Variants in ST6GALNAC2 observed in about 807,000 individuals in gnomAD.
ST6GALNAC2 encodes ST6 N-acetylgalactosaminide alpha-2,6-sialyltransferase 2.
Under a neutral mutation model 38.7 loss-of-function variants are expected in ST6GALNAC2, and 42 were observed. The observed-to-expected ratio is 1.09, with a 90% CI of 0.85 to 1.40. The LOEUF (loss-of-function observed/expected upper bound fraction) is 1.40. ST6GALNAC2 is among the 40% of genes most tolerant of loss of function. The probability of loss-of-function intolerance (pLI) is 0.00; values close to 1 mark genes in which losing one functional copy is unlikely to be tolerated. For missense variants in ST6GALNAC2, 506 were observed against 481.7 expected (o/e 1.05, Z -0.47); for synonymous variants, 233 against 209.0 (o/e 1.11, Z -0.99).
intron 2 of ST6GALNAC2, among the ~76,000 whole-genome samples, chr17:76,576,885 G>C (rs908486691): frequency 4.0e-5 from 6 of 150,846 alleles, no homozygotes; most frequent in African/African-American, 1.5e-4. Context: ...CACAAGAATT[G>C]CTTGAACGTG....
intron 1 of ST6GALNAC2, among the ~76,000 whole-genome samples, chr17:76,581,971 G>A (rs905959204): frequency 3.3e-5 from 5 of 151,852 alleles, no homozygotes; most frequent in Non-Finnish European, 5.9e-5. Context: ...GGGTTCAAGC[G>A]ATTCTCCTGC....
chr17:76,566,390 G>A, intron 8 of ST6GALNAC2, 119 bp from the exon 9 acceptor site: 5 of 1,089,436 alleles, frequency 4.6e-6, no homozygotes, highest in Middle Eastern at 2.1e-4. Context: ...TAATGGTCTA[G>A]GGCTTATTCC....
intron 5 of ST6GALNAC2, chr17:76,571,012 C>G (rs1031838621): frequency 1.9e-5 from 4 of 206,698 alleles, no homozygotes; most frequent in African/African-American, 9.2e-5. Context: ...ATCACTCACT[C>G]TGGATGAAGT....
chr17:76,581,291 C>T (rs903758703), intron 1 of ST6GALNAC2, among the ~76,000 whole-genome samples: 3 of 152,104 alleles, frequency 2.0e-5, no homozygotes, highest in African/African-American at 7.2e-5. Context: ...ATGACCCCCT[C>T]TGGGAAGGAA....
At position 76,585,851 on chromosome 17, in the gene ST6GALNAC2, C is replaced by G. The variant is rs1424705168; in HGVS notation, c.-43G>C. The G allele has an allele frequency of 1.1e-5, 16 of 1,510,752 alleles. No individual in the cohort carries two copies. Among genetic ancestry groups the G allele is most frequent in the Non-Finnish European group, 1.2e-5 (14 of 1,132,642 alleles). The allele number at this position is 1,510,752 out of a possible 1,614,324, so 93.6% of individuals were successfully genotyped here. On this transcript the variant is annotated 5_prime_UTR_variant, in exon 1 of 9. Transcript: ENST00000225276. Reference sequence around the variant, plus strand: ...GCGCCCCGTCCGCTGACGTCCCAGGCAGAAGGGAGAGAACCGGGTGGGCCG... The same window carrying G: ...GCGCCCCGTCCGCTGACGTCCCAGGGAGAAGGGAGAGAACCGGGTGGGCCG...
Position 76,566,116 on chromosome 17 carries a change from C to T in ST6GALNAC2, c.1113G>A (p.Leu371=), listed in dbSNP as rs1175355051. 2 of 1,613,938 alleles carry T rather than the reference C, an allele frequency of 1.2e-6. No homozygotes were observed. The highest frequency in any genetic ancestry group is 2.2e-5 in the South Asian group (2 of 91,058). ...RDLHKAGILQ[L]YQR ...CAGTGCATTGGGGTCAGCGCTGGTA[C>T]AGCTGAAGGATGCCGGCCTTGTGCA... The change falls in exon 9 of 9, where the codon CTG becomes CTA. Residue 371 remains leucine, a synonymous_variant. Coordinates refer to ENST00000225276, the MANE Select transcript of ST6GALNAC2 (RefSeq NM_006456.3).
chr17:76,582,716 T>A (rs1343313260), intron 1 of ST6GALNAC2, among the ~76,000 whole-genome samples: 1 of 152,208 alleles, frequency 6.6e-6, no homozygotes, highest in East Asian at 1.9e-4. Context: ...CTGTCCCAGA[T>A]GCCCATCTTC....
intron 2 of ST6GALNAC2, among the ~76,000 whole-genome samples, chr17:76,578,416 C>A (rs745731181): frequency 5.3e-5 from 8 of 152,182 alleles, no homozygotes; most frequent in Middle Eastern, 3.4e-3. Flanking sequence ...CCAGGGTGAG[C>A]AGTTTAAATG....
Position 76,582,857 on chromosome 17 carries a change from A to G in ST6GALNAC2, c.125+2827T>C, listed in dbSNP as rs73369173. 8.2e-3 allele frequency among the ~76,000 whole-genome samples: 1,256 copies of G among 152,292 alleles called. 21 individuals are homozygous for G. Among genetic ancestry groups the G allele is most frequent in the African/African-American group, 0.029 (1,204 of 41,562 alleles). ...CCCAGACTAAATATCCACCTCCCAC[A>G]GCAAGGCTGAGTCCTGACCTGCCCC... On this transcript the variant is annotated intron_variant, in intron 1 of 8. Transcript: ENST00000225276.
chr17:76,567,594 C>CT (rs1395650539), intron 7 of ST6GALNAC2, 42 bp from the exon 8 acceptor site: 1 of 1,312,148 alleles, frequency 7.6e-7, no homozygotes, highest in Non-Finnish European at 1.1e-6. Flanking sequence ...AGCTTGATGG[C>CT]TATCATCACA....
chr17:76,573,632 C>T lies in ST6GALNAC2; in HGVS notation c.362-269G>A, dbSNP rs1242865668. ...TGGTGCTAGAGAAGTGAGCTCAGGG[C>T]TTAAAAAAGACTGGGCTGGGCACGG... On this transcript the variant is annotated intron_variant, in intron 3 of 8. Coordinates refer to ENST00000225276, the MANE Select transcript of ST6GALNAC2 (RefSeq NM_006456.3). This position sits in a 1 kb window ranked among gnomAD's most constrained non-coding sequence, Gnocchi z 5.1. Among the ~76,000 whole-genome samples, 2 of 152,040 alleles carry T rather than the reference C, an allele frequency of 1.3e-5. No individual in the cohort carries two copies. The highest frequency in any genetic ancestry group is 4.8e-5 in the African/African-American group (2 of 41,378).
chr17:76,568,629 G>T, intron 7 of ST6GALNAC2, 84 bp downstream of exon 7: 2 of 1,357,142 alleles, frequency 1.5e-6, no homozygotes, highest in Middle Eastern at 1.9e-4. Context: ...CGTGGGGCTC[G>T]TGCGAGGGCG....
chr17:76,570,420 G>C, intron 6 of ST6GALNAC2, 145 bp downstream of exon 6: 1 of 615,664 alleles, frequency 1.6e-6, no homozygotes, highest in Non-Finnish European at 2.9e-6. Flanking sequence ...GAATAATTGG[G>C]GATGATTGAA....
rs200352266 is a variant in ST6GALNAC2 at position 76,566,104 on chromosome 17, T to G, written c.1125A>C (p.Ter375CysextTer25). 4 of 1,613,388 alleles carry G rather than the reference T, an allele frequency of 2.5e-6. No homozygotes were observed. In the East Asian group the frequency reaches 6.7e-5, roughly 27 times the overall value. ...KAGILQLYQR[*>C] Reference sequence around the variant, plus strand: ...AAGCAAAGGGCTCAGTGCATTGGGGTCAGCGCTGGTACAGCTGAAGGATGC... The same window carrying G: ...AAGCAAAGGGCTCAGTGCATTGGGGGCAGCGCTGGTACAGCTGAAGGATGC... The change falls in exon 9 of 9, where the codon TGA (stop) becomes TGC (cysteine). Residue 375 changes from the stop codon to cysteine, a stop_lost. Transcript: ENST00000225276.
rs746086406 is a variant in ST6GALNAC2 at position 76,578,746 on chromosome 17, A to C, written c.186+10T>G. The C allele has an allele frequency of 1.9e-6, 3 of 1,612,054 alleles. No homozygotes were observed. The South Asian group carries it at 3.3e-5, about 18-fold the overall frequency. ...GCTCAAAACTGCCACAGGGTAGTCG[A>C]CCACTCTACCTTTCCTGTCCAAGAA... On this transcript the variant is annotated intron_variant, in intron 2 of 8. Coordinates refer to ENST00000225276, the MANE Select transcript of ST6GALNAC2 (RefSeq NM_006456.3).
In ST6GALNAC2 at chr17:76,568,760, A is replaced by G. The variant is rs746952199; in HGVS notation, c.810T>C (p.Ser270=). 9.3e-6 allele frequency: 15 copies of G among 1,613,562 alleles called. No individual in the cohort carries two copies. The Admixed American group carries it at 2.5e-4, about 27-fold the overall frequency. Reference sequence around the variant, plus strand: ...AGTCCGGATGTAGCAGCTTGAATTTACTGGCAGAGGCTTCTGGTCCAAAAT... The same window carrying G: ...AGTCCGGATGTAGCAGCTTGAATTTGCTGGCAGAGGCTTCTGGTCCAAAAT... The part of the protein sequence containing the change: ...HAYFGPEASA[S]KFKLLHPDFI... Residue 270 remains serine (S), a synonymous_variant, in exon 7 of 9, where the codon AGT becomes AGC. Transcript: ENST00000225276.
rs778824394 is a variant in ST6GALNAC2 at position 76,569,423 on chromosome 17, G to A, written c.774-627C>T. 9.3e-4 allele frequency: 352 copies of A among 377,568 alleles called. 2 individuals carry two copies. Among genetic ancestry groups the A allele is most frequent in the Admixed American group, 2.5e-3 (53 of 21,246 alleles). The allele number at this position is 377,568 out of a possible 1,614,324, so 23.4% of individuals were successfully genotyped here. Reference sequence around the variant, plus strand: ...GGGGTGGGGGTTTGGGCAGCCCCGCGGGGCACGTGTTGGACCTGAGGACTG... The same window carrying A: ...GGGGTGGGGGTTTGGGCAGCCCCGCAGGGCACGTGTTGGACCTGAGGACTG... On this transcript the variant is annotated intron_variant, in intron 6 of 8. Transcript: ENST00000225276.
intron 1 of ST6GALNAC2, among the ~76,000 whole-genome samples, chr17:76,584,932 G>GT (rs1018069167): frequency 6.6e-6 from 1 of 152,216 alleles, no homozygotes; most frequent in Non-Finnish European, 1.5e-5. Context: ...AAGCGAAATC[G>GT]TTTTGCGGCT....
chr17:76,569,998 A>G (rs996904453), intron 6 of ST6GALNAC2: 7 of 167,016 alleles, frequency 4.2e-5, no homozygotes, highest in Non-Finnish European at 9.0e-5. Context: ...GTGGCTCAAG[A>G]GAGCTGGACC....
Sources: allele counts gnomAD v4.1 joint callset (sites outside exome capture counted in the v4.1 genomes callset), GRCh38; gene constraint gnomAD v4.1.1; non-coding constraint Gnocchi (gnomAD v3.1); transcripts MANE v1.5; gene names NCBI Gene and HGNC (gene_info 2026-07-23, HGNC 2026-07-21).